The following CD96 variants were observed in gnomAD, a reference collection of about 807,000 sequenced individuals.
CD96 encodes T-cell surface protein tactile.
Under a neutral mutation model 71.3 loss-of-function variants are expected in CD96, and 70 were observed. That is an observed-to-expected ratio of 0.98 (90% confidence interval 0.81 to 1.20). The LOEUF (loss-of-function observed/expected upper bound fraction) is 1.20. Ranked by LOEUF, CD96 falls within the 50% of genes most tolerant of loss-of-function variation. The probability of loss-of-function intolerance (pLI) is 0.00; values close to 1 mark genes in which losing one functional copy is unlikely to be tolerated. For synonymous variants in CD96, 248 were observed against 233.0 expected (o/e 1.06, Z -0.59); for missense variants, 742 against 677.5 (o/e 1.10, Z -1.06).
At chr3:111,660,896 C>G (rs1182411660) in intron 14 of CD96, among the ~76,000 whole-genome samples, 1 of 152,092 alleles carries the variant, frequency 6.6e-6, no homozygotes, top group African/African-American at 2.4e-5. Flanking sequence ...TTAAATGTAC[C>G]TTAAACTATA....
intron 2 of CD96, among the ~76,000 whole-genome samples, chr3:111,567,224 C>T (rs545424183): frequency 6.6e-6 from 1 of 152,218 alleles, no homozygotes; most frequent in African/African-American, 2.4e-5. Flanking sequence ...GGAAATGGAA[C>T]CTGAAGATTA....
chr3:111,555,005 G>A (rs1576307888), intron 2 of CD96, among the ~76,000 whole-genome samples: 4 of 152,056 alleles, frequency 2.6e-5, no homozygotes, highest in Non-Finnish European at 5.9e-5. Flanking sequence ...AAAATCTAAT[G>A]CAGCCACTGA....
At chr3:111,632,058 G>A (rs575660579) in intron 10 of CD96, among the ~76,000 whole-genome samples, 40 of 152,128 alleles carry the variant, frequency 2.6e-4, no homozygotes, top group Non-Finnish European at 5.1e-4. Flanking sequence ...GATATAGGAC[G>A]GGCAAAGATT....
intron 1 of CD96, among the ~76,000 whole-genome samples, chr3:111,542,974 C>T (rs7628253): frequency 0.7 from 106,758 of 152,080 alleles, 37,753 homozygotes; most frequent in African/African-American, 0.78. Flanking sequence ...GCTTTTCAGA[C>T]ATAGCTATGA....
At chr3:111,558,992 C>T (rs923632364) in intron 2 of CD96, among the ~76,000 whole-genome samples, 10 of 152,160 alleles carry the variant, frequency 6.6e-5, no homozygotes, top group African/African-American at 2.2e-4. Flanking sequence ...AGTTTATTTG[C>T]ATAGAGGTGT....
chr3:111,614,699 C>T (rs1489138013), intron 8 of CD96, among the ~76,000 whole-genome samples: 1 of 152,170 alleles, frequency 6.6e-6, no homozygotes, highest in Non-Finnish European at 1.5e-5. Context: ...CTCCTCTTCA[C>T]CAGTGTGGCC....
chr3:111,663,749 A>G (rs1397510478), intron 14 of CD96, among the ~76,000 whole-genome samples: 3 of 80,650 alleles, frequency 3.7e-5, no homozygotes, highest in African/African-American at 9.7e-5. Flanking sequence ...AAATGCTTAT[A>G]CACTTTTTTT....
At chr3:111,661,707 A>G (rs966855224) in intron 14 of CD96, among the ~76,000 whole-genome samples, 2 of 152,180 alleles carry the variant, frequency 1.3e-5, no homozygotes, top group East Asian at 3.9e-4. Context: ...CACTGATGCA[A>G]AGGGTGGGCT....
At chr3:111,639,928 G>A (rs549185768) in intron 12 of CD96, among the ~76,000 whole-genome samples, 2 of 152,298 alleles carry the variant, frequency 1.3e-5, no homozygotes, top group South Asian at 4.2e-4. Flanking sequence ...ATAGGAAAAG[G>A]GGGAGCGTCT....
At chr3:111,638,897 G>A (rs1368893847) in intron 12 of CD96, among the ~76,000 whole-genome samples, 2 of 151,582 alleles carry the variant, frequency 1.3e-5, no homozygotes, top group African/African-American at 2.4e-5. Flanking sequence ...GTTTAGAGAT[G>A]GGTCAAAAAT....
chr3:111,556,300 C>T (rs574677343), intron 2 of CD96, among the ~76,000 whole-genome samples: 3 of 148,664 alleles, frequency 2.0e-5, no homozygotes, highest in East Asian at 4.0e-4. Context: ...GTGCGCCGCA[C>T]CCACTAACTC....
intron 8 of CD96, among the ~76,000 whole-genome samples, chr3:111,610,185 T>G (rs1293276213): frequency 6.6e-6 from 1 of 152,246 alleles, no homozygotes; most frequent in Non-Finnish European, 1.5e-5. Flanking sequence ...TCAATAAAAC[T>G]CATGTTAAAC....
chr3:111,648,941 T>C (rs554435810), intron 13 of CD96, among the ~76,000 whole-genome samples: 96 of 152,352 alleles, frequency 6.3e-4, no homozygotes, highest in African/African-American at 2.1e-3. Context: ...TTACTTGTAC[T>C]AACATAAAAT....
chr3:111,609,213 G>T lies in CD96; in HGVS notation c.1180+2421G>T, dbSNP rs538995467. Among the ~76,000 whole-genome samples the T allele has an allele frequency of 2.6e-5, 4 of 152,314 alleles. 1 individual carries two copies. In the South Asian group the frequency reaches 8.3e-4, roughly 32 times the overall value. ...CATCAGTAGATAAGTTTGGATCAAA[G>T]AGGTGGTATTGTGTACCAAAAAAAC... On this transcript the variant is annotated intron_variant, in intron 8 of 13. Transcript: ENST00000352690.
intron 11 of CD96, among the ~76,000 whole-genome samples, chr3:111,637,625 G>A (rs1286818848): frequency 1.3e-5 from 2 of 151,966 alleles, no homozygotes; most frequent in African/African-American, 2.4e-5. Flanking sequence ...CAAACACATC[G>A]GTGTGGAGAG....
chr3:111,660,840 C>T (rs1940336573), intron 14 of CD96, among the ~76,000 whole-genome samples: 1 of 152,164 alleles, frequency 6.6e-6, no homozygotes, highest in Non-Finnish European at 1.5e-5. Flanking sequence ...AGATGGACTC[C>T]TATCTTTCAC....
intron 14 of CD96, among the ~76,000 whole-genome samples, chr3:111,659,037 T>C (rs1342045791): frequency 6.6e-6 from 1 of 152,220 alleles, no homozygotes; most frequent in Non-Finnish European, 1.5e-5. Context: ...CTTTGTAGGT[T>C]CTTTGTTACT....
At chr3:111,658,245 C>T (rs997442684) in intron 14 of CD96, among the ~76,000 whole-genome samples, 1 of 151,914 alleles carries the variant, frequency 6.6e-6, no homozygotes, top group African/African-American at 2.4e-5. Context: ...ATTTGACTAT[C>T]GATATAGTTA....
At chr3:111,654,895 C>T (rs562313845), downstream of CD96, among the ~76,000 whole-genome samples, 12 of 152,340 alleles carry the variant, frequency 7.9e-5, no homozygotes, top group East Asian at 2.3e-3. Context: ...GGGGATAGAA[C>T]AACAGTTACA....
Sources: gnomAD v4.1 joint callset for allele counts (sites outside exome capture counted in the v4.1 genomes callset) on GRCh38, gnomAD v4.1.1 for gene constraint, MANE v1.5 for transcripts, NCBI Gene and HGNC (gene_info 2026-07-23, HGNC 2026-07-21) for gene names.